Variants in STK32C observed in about 807,000 individuals in gnomAD.
STK32C encodes the protein serine/threonine kinase 32C, also known as serine/threonine-protein kinase 32C.
STK32C carries 31 observed loss-of-function variants against 56.5 expected under a neutral mutation model. The observed-to-expected ratio is 0.55, with a 90% confidence interval of 0.41 to 0.74. The LOEUF is 0.74. Among genes scored for constraint, STK32C ranks in the 30% least tolerant of loss-of-function variants. The pLI is 0.00. For synonymous variants in STK32C, 309 were observed against 289.4 expected, an observed-to-expected ratio of 1.07 and a Z score of -0.69; for missense variants, 544 against 676.9, an observed-to-expected ratio of 0.80 and a Z score of 2.18.
At chr10:132,227,938 A>G (rs1288925133) in intron 3 of STK32C, 39 bp downstream of exon 3, 3 of 1,606,140 alleles carry the variant, frequency 1.9e-6, no homozygotes, top group Non-Finnish European at 2.5e-6. Context: ...CGGCTTCAGG[A>G]CGGTAAGTCT....
chr10:132,311,915 TA>T (rs2066229792), upstream of STK32C, among the ~76,000 whole-genome samples: 1 of 152,146 alleles, frequency 6.6e-6, no homozygotes, highest in South Asian at 2.1e-4. The surrounding 1 kb of genome is among the most constrained non-coding windows in gnomAD (Gnocchi z 4.4). Flanking sequence ...GGCCACCATT[TA>T]ACCCACCACA....
chr10:132,285,386 C>T (rs774100619), intron 1 of STK32C, among the ~76,000 whole-genome samples: 31 of 152,328 alleles, frequency 2.0e-4, no homozygotes, highest in Non-Finnish European at 8.8e-5. Context: ...TCAATAATGA[C>T]GCTAACATTC....
chr10:132,246,106 C>A, intron 1 of STK32C, 151 bp from the exon 2 acceptor site: 1 of 756,034 alleles, frequency 1.3e-6, no homozygotes, highest in East Asian at 2.6e-5. Flanking sequence ...ACTCTCGCTC[C>A]TGTGCGAGGC....
chr10:132,291,502 G>C (rs1182439415), intron 1 of STK32C, among the ~76,000 whole-genome samples: 1 of 152,224 alleles, frequency 6.6e-6, no homozygotes, highest in African/African-American at 2.4e-5. Context: ...GTCACCTGCA[G>C]AGCCCAGGCC....
intron 1 of STK32C, among the ~76,000 whole-genome samples, chr10:132,282,093 G>A (rs1455057163): frequency 6.6e-6 from 1 of 152,226 alleles, no homozygotes; most frequent in Non-Finnish European, 1.5e-5. Context: ...GGGTGGGGGC[G>A]ACAGGTGCTG....
rs144621966 is a variant in STK32C, at chr10:132,232,478, A to C, written c.319-4350T>G. 9.7e-3 allele frequency among the ~76,000 whole-genome samples: 1,468 copies of C among 152,026 alleles called. 31 individuals are homozygous for C. The highest frequency in any genetic ancestry group is 0.033 in the African/African-American group (1,378 of 41,460). On this transcript the variant is annotated intron_variant, in intron 2 of 11. Coordinates refer to ENST00000298630, the MANE Select transcript of STK32C (RefSeq NM_173575.4). ...GACCTCAGCACCCGAGATCACGCAG[A>C]GCAGTGTTTACAAAAAAGACTGGAA...
chr10:132,306,299 ATCAGCTCCTAGT>A (rs2066057673), intron 1 of STK32C, among the ~76,000 whole-genome samples: 3 of 152,268 alleles, frequency 2.0e-5, no homozygotes, highest in Admixed American at 2.0e-4. Flanking sequence ...CTGCCTCCTG[ATCAGCTCCTAGT>A]TCACTCTGGG....
upstream of STK32C, among the ~76,000 whole-genome samples, chr10:132,308,540 G>T (rs1311234555): frequency 6.6e-6 from 1 of 151,610 alleles, no homozygotes; most frequent in African/African-American, 2.4e-5. Flanking sequence ...GTCAGGAGGC[G>T]GCAGGCTGAG....
intron 1 of STK32C, among the ~76,000 whole-genome samples, chr10:132,293,951 G>A (rs543658039): frequency 1.1e-4 from 16 of 152,304 alleles, no homozygotes; most frequent in African/African-American, 2.6e-4. Context: ...AGGGGCCCCC[G>A]AGGGAGCTCA....
chr10:132,249,875 C>T (rs1232629577), intron 1 of STK32C, among the ~76,000 whole-genome samples: 1 of 152,246 alleles, frequency 6.6e-6, no homozygotes, highest in Non-Finnish European at 1.5e-5. Flanking sequence ...CGGCCCTGCC[C>T]CACGCAAGCC....
At chr10:132,260,172 G>C (rs748107000) in intron 1 of STK32C, among the ~76,000 whole-genome samples, 1 of 152,174 alleles carries the variant, frequency 6.6e-6, no homozygotes, top group Non-Finnish European at 1.5e-5. Flanking sequence ...TGTTCAGGTT[G>C]AGGAGACACT....
At chr10:132,295,857 C>T (rs531529396) in intron 1 of STK32C, among the ~76,000 whole-genome samples, 26 of 152,014 alleles carry the variant, frequency 1.7e-4, no homozygotes, top group South Asian at 4.2e-4. Flanking sequence ...CACTCCAGCC[C>T]GGGCGACGGA....
chr10:132,252,539 C>A (rs2063945636), intron 1 of STK32C, among the ~76,000 whole-genome samples: 1 of 152,246 alleles, frequency 6.6e-6, no homozygotes, highest in Non-Finnish European at 1.5e-5. Context: ...AGACGCAGCT[C>A]CCCACAATCC....
chr10:132,208,162 A>G lies in STK32C; in HGVS notation c.1320-11T>C. On this transcript the variant is annotated splice_polypyrimidine_tract_variant and intron_variant, in intron 11 of 11. Transcript: ENST00000298630. ...TGGCTCCTCTTCAGCCTGGGGTGGC[A>G]GGAACACATGGAGGGCGTTATGCCC... 7.6e-7 allele frequency: 1 copy of G among 1,309,426 alleles called. No individual in the cohort carries two copies. Among genetic ancestry groups the G allele is most frequent in the Non-Finnish European group, 9.8e-7 (1 of 1,020,890 alleles). 81.1% of individuals were successfully genotyped at this position (1,309,426 alleles called of 1,614,324 possible). A position where few individuals can be genotyped will look rare whatever the true frequency, so the allele number is the denominator to read the frequency against.
chr10:132,320,544 G>A (rs1201056664), downstream of STK32C, among the ~76,000 whole-genome samples: 1 of 152,156 alleles, frequency 6.6e-6, no homozygotes, highest in Non-Finnish European at 1.5e-5. Flanking sequence ...AGAGGCTGGG[G>A]CACGGGGCCC....
rs7916962 is a variant in STK32C at position 132,225,659 on chromosome 10, A to G, written c.683-43T>C. On this transcript the variant is annotated intron_variant, in intron 5 of 11. Transcript: ENST00000298630. ...AGGTGTGGCTGTCCCAGGACCAGAG[A>G]TGCATCCTTGCGTGCAGGATCCTCC... The G allele has an allele frequency of 6.7e-3, 10,719 of 1,608,600 alleles. 571 individuals are homozygous for G. In the African/African-American group the frequency reaches 0.12, roughly 18 times the overall value.
intron 2 of STK32C, among the ~76,000 whole-genome samples, chr10:132,239,929 AC>A (rs1195653067): frequency 2.6e-5 from 4 of 152,104 alleles, no homozygotes; most frequent in African/African-American, 9.6e-5. Context: ...CAGATAAGCA[AC>A]CCCCAGCACA....
intron 1 of STK32C, among the ~76,000 whole-genome samples, chr10:132,273,049 A>C (rs990855295): frequency 6.6e-6 from 1 of 151,856 alleles, no homozygotes; most frequent in Non-Finnish European, 1.5e-5. Flanking sequence ...TTTCACCAAG[A>C]TTTCACCCCA....
At position 132,225,247 on chromosome 10, in the gene STK32C, G is replaced by A. The variant is rs1243676783; in HGVS notation, c.862C>T (p.Leu288=). The change falls in exon 7 of 12, where the codon CTG becomes TTG. Residue 288 remains leucine (L), a synonymous_variant. Transcript: ENST00000298630. ...GGGGTCCATACCCATCCTCGCAGCA[G>A]CTCATAGGCCATCACCCCCACCGAC... is the stretch of plus-strand genomic sequence containing the variant. The part of the protein sequence containing the change: ...WWSVGVMAYE[L]LRGWRPYDIH... 1 of 1,611,362 alleles carries A rather than the reference G, an allele frequency of 6.2e-7. No individual in the cohort carries two copies. The highest frequency in any genetic ancestry group is 1.7e-5 in the Admixed American group (1 of 59,900).
Sources: allele counts gnomAD v4.1 joint callset (sites outside exome capture counted in the v4.1 genomes callset), GRCh38; gene constraint gnomAD v4.1.1; non-coding constraint Gnocchi (gnomAD v3.1); transcripts MANE v1.5; gene names NCBI Gene and HGNC (gene_info 2026-07-23, HGNC 2026-07-21).